The following GATAD2A variants were observed in gnomAD, a reference collection of about 807,000 sequenced individuals.
GATAD2A encodes GATA zinc finger domain containing 2A.
GATAD2A carries 12 observed loss-of-function variants against 68.5 expected under a neutral mutation model. The observed-to-expected ratio is 0.18, with a 90% CI of 0.11 to 0.28. The LOEUF is 0.28. GATAD2A is among the 10% of genes least tolerant of loss of function. The probability of loss-of-function intolerance (pLI) is 1.00; values close to 1 mark genes in which losing one functional copy is unlikely to be tolerated. For synonymous variants in GATAD2A, 410 were observed against 375.3 expected (o/e 1.09, Z -1.07); for missense variants, 755 against 868.5 (o/e 0.87, Z 1.64).
chr19:19,462,382 G>A (rs2057511731), intron 1 of GATAD2A, among the ~76,000 whole-genome samples: 1 of 152,196 alleles, frequency 6.6e-6, no homozygotes, highest in African/African-American at 2.4e-5. Context: ...GGAGCCCCCT[G>A]CACTCGGGGG....
chr19:19,468,258 G>C (rs1361856233), intron 2 of GATAD2A, among the ~76,000 whole-genome samples: 1 of 152,240 alleles, frequency 6.6e-6, no homozygotes, highest in Non-Finnish European at 1.5e-5. Flanking sequence ...CAGCTTCGCT[G>C]TGTGGGTGAA....
At chr19:19,456,548 C>CAT (rs2056957472) in intron 1 of GATAD2A, among the ~76,000 whole-genome samples, 1 of 152,190 alleles carries the variant, frequency 6.6e-6, no homozygotes, top group South Asian at 2.1e-4. Flanking sequence ...AGTACTGTGT[C>CAT]CCTAACCCTT....
chr19:19,503,973 G>A (rs961489215), intron 11 of GATAD2A, among the ~76,000 whole-genome samples: 2 of 152,184 alleles, frequency 1.3e-5, no homozygotes, highest in African/African-American at 2.4e-5. Flanking sequence ...TTGTGAGGCC[G>A]AGATGGGAGG....
At chr19:19,497,886 C>T (rs1035587244) in intron 7 of GATAD2A, among the ~76,000 whole-genome samples, 9 of 152,242 alleles carry the variant, frequency 5.9e-5, no homozygotes, top group African/African-American at 1.7e-4. Flanking sequence ...GGCACTGGAG[C>T]GGTGAGGACT....
intron 1 of GATAD2A, among the ~76,000 whole-genome samples, chr19:19,395,327 C>T (rs182653236): frequency 9.2e-5 from 14 of 152,194 alleles, no homozygotes; most frequent in East Asian, 3.9e-4. Context: ...TGGTGGTGCA[C>T]GCCTGTAATC....
intron 1 of GATAD2A, among the ~76,000 whole-genome samples, chr19:19,412,109 C>G (rs907556337): frequency 6.6e-6 from 1 of 151,012 alleles, no homozygotes; most frequent in Non-Finnish European, 1.5e-5. Context: ...GGTGGGCTGT[C>G]TCAGGCCGCT....
In GATAD2A at chr19:19,508,054, C is replaced by T. The variant is rs553613840; in HGVS notation, c.*2580C>T. 4 of 152,248 alleles carry T rather than the reference C, an allele frequency of 2.6e-5. No homozygotes were observed. Among genetic ancestry groups the T allele is most frequent in the South Asian group, 2.1e-4 (1 of 4,826 alleles). The allele number at this position is 152,248 out of a possible 1,614,324, so 9.4% of individuals were successfully genotyped here. A position where few individuals can be genotyped will look rare whatever the true frequency, so the allele number is the denominator to read the frequency against. On this transcript the variant is annotated 3_prime_UTR_variant, in exon 12 of 12. Transcript: ENST00000683918. ...CCAGGCACTGCCTGGGTCCTGGTCC[C>T]GAGAGCCCTACCAGGATCAGGTTCC...
At chr19:19,391,259 T>A (rs961282257) in intron 1 of GATAD2A, among the ~76,000 whole-genome samples, 1 of 152,220 alleles carries the variant, frequency 6.6e-6, no homozygotes. Context: ...GGTGGGCTGC[T>A]CCTATGTTTG....
chr19:19,429,321 C>T (rs910464419), intron 1 of GATAD2A: 1 of 722,670 alleles, frequency 1.4e-6, no homozygotes, highest in African/African-American at 1.9e-5. Flanking sequence ...AGGAGGGGCT[C>T]TCCTGGCCAT....
At chr19:19,453,519 A>G (rs1189570866) in intron 1 of GATAD2A, among the ~76,000 whole-genome samples, 1 of 151,898 alleles carries the variant, frequency 6.6e-6, no homozygotes, top group Non-Finnish European at 1.5e-5. Context: ...CCCCACATAC[A>G]AGGTCTTGCT....
At chr19:19,417,703 G>A (rs866361464) in intron 1 of GATAD2A, among the ~76,000 whole-genome samples, 3 of 152,198 alleles carry the variant, frequency 2.0e-5, no homozygotes, top group Admixed American at 6.5e-5. Context: ...ATATCGACTT[G>A]AATTGGGCAG....
At chr19:19,411,904 A>G (rs540501940) in intron 1 of GATAD2A, among the ~76,000 whole-genome samples, 2 of 152,278 alleles carry the variant, frequency 1.3e-5, no homozygotes, top group East Asian at 1.9e-4. Context: ...GGTTTTCTTT[A>G]TAACAGAATC....
intron 8 of GATAD2A, 96 bp from the exon 9 acceptor site, chr19:19,501,022 T>C: frequency 9.2e-7 from 1 of 1,089,002 alleles, no homozygotes; most frequent in South Asian, 1.5e-5. Flanking sequence ...GGACAGACTG[T>C]GGCGACTGAG....
intron 2 of GATAD2A, among the ~76,000 whole-genome samples, chr19:19,470,529 CAGTTAT>C (rs1465706656): frequency 1.3e-5 from 2 of 152,272 alleles, no homozygotes. Context: ...GGAAATTAAT[CAGTTAT>C]AGTTAGAGAT....
chr19:19,457,163 C>G (rs1164370678), intron 1 of GATAD2A: 2 of 985,212 alleles, frequency 2.0e-6, no homozygotes, highest in African/African-American at 1.7e-5. Context: ...GACACTCTTG[C>G]AGAAGTGGGG....
In GATAD2A at chr19:19,488,651, G is replaced by C. The variant is rs549725192; in HGVS notation, c.270-3655G>C. 4.6e-5 allele frequency among the ~76,000 whole-genome samples: 7 copies of C among 152,338 alleles called. No individual in the cohort carries two copies. The East Asian group carries it at 5.8e-4, about 13-fold the overall frequency. The stretch of plus-strand genomic sequence containing the variant: ...CTATGGAAGTTCCTGGCAGGTAACA[G>C]AATTTCTGTGCTTGTGAGGTCAGGG... On this transcript the variant is annotated intron_variant, in intron 2 of 11. Coordinates refer to ENST00000683918, the MANE Select transcript of GATAD2A (RefSeq NM_001384528.1).
intron 1 of GATAD2A, chr19:19,435,190 G>T (rs772961158): frequency 1.9e-6 from 1 of 519,478 alleles, no homozygotes; most frequent in South Asian, 1.4e-5. Context: ...ATAGTACCTG[G>T]AACATACTCC....
intron 1 of GATAD2A, among the ~76,000 whole-genome samples, chr19:19,399,918 G>C (rs373362244): frequency 6.6e-6 from 1 of 152,030 alleles, no homozygotes; most frequent in African/African-American, 2.4e-5. Context: ...TTATTAGACC[G>C]ATCATGTGAC....
intron 1 of GATAD2A, chr19:19,458,713 T>C (rs1215282726): frequency 6.6e-6 from 1 of 152,212 alleles, no homozygotes; most frequent in East Asian, 1.9e-4. Context: ...GTTGACTGTT[T>C]AGAATTTGAG....
Sources: allele counts gnomAD v4.1 joint callset (sites outside exome capture counted in the v4.1 genomes callset), GRCh38; gene constraint gnomAD v4.1.1; transcripts MANE v1.5; gene names NCBI Gene and HGNC (gene_info 2026-07-23, HGNC 2026-07-21).